The following MYO3B variants were observed in gnomAD, a reference collection of about 807,000 sequenced individuals.
MYO3B encodes myosin IIIB, also known as myosin-IIIb.
Under a neutral mutation model 174.6 loss-of-function variants are expected in MYO3B, and 156 were observed. The ratio of observed to expected loss-of-function variants is 0.89; its 90% CI spans 0.78 to 1.02. The LOEUF (loss-of-function observed/expected upper bound fraction) is 1.02. MYO3B is among the 50% of genes least tolerant of loss of function. MYO3B has a pLI of 0.00. For synonymous variants in MYO3B, 563 were observed against 569.1 expected, an observed-to-expected ratio of 0.99 and a Z score of 0.15; for missense variants, 1,632 against 1,639.4, an observed-to-expected ratio of 1.00 and a Z score of 0.08.
intron 7 of MYO3B, among the ~76,000 whole-genome samples, chr2:170,291,798 A>C (rs1486835014): frequency 1.3e-5 from 2 of 151,740 alleles, no homozygotes; most frequent in African/African-American, 2.4e-5. Context: ...GCCTGTTGCC[A>C]GACAAATTGG....
At chr2:170,244,732 G>A (rs1025658804) in intron 7 of MYO3B, among the ~76,000 whole-genome samples, 1 of 152,170 alleles carries the variant, frequency 6.6e-6, no homozygotes, top group African/African-American at 2.4e-5. Context: ...GTGATCACTA[G>A]GAATTAGCAC....
chr2:170,288,868 T>A (rs751683282), intron 7 of MYO3B, among the ~76,000 whole-genome samples: 1 of 152,124 alleles, frequency 6.6e-6, no homozygotes, highest in Non-Finnish European at 1.5e-5. Flanking sequence ...GCCTTTATCA[T>A]GTTGAGGTAT....
At chr2:170,423,014 T>C in intron 22 of MYO3B, among the ~76,000 whole-genome samples, 1 of 135,874 alleles carries the variant, frequency 7.4e-6, no homozygotes, top group Admixed American at 7.6e-5. Context: ...AGAGTTTCAC[T>C]CCTGTTGCCA....
chr2:170,400,420 T>TTTTTTTA, intron 17 of MYO3B, 106 bp downstream of exon 17: 2 of 1,212,892 alleles, frequency 1.6e-6, no homozygotes, highest in Non-Finnish European at 2.2e-6. Context: ...TTTTTTTTTT[T>TTTTTTTA]ATCGAGATGG....
intron 7 of MYO3B, among the ~76,000 whole-genome samples, chr2:170,248,963 C>T (rs1027223385): frequency 5.3e-5 from 8 of 152,214 alleles, no homozygotes; most frequent in Admixed American, 1.3e-4. Flanking sequence ...GTACTCATAG[C>T]CATTTTGAGC....
chr2:170,640,633 A>C (rs1483601444), intron 32 of MYO3B: 4 of 152,212 alleles, frequency 2.6e-5, no homozygotes, highest in Non-Finnish European at 5.9e-5. Flanking sequence ...CTCAATTTAA[A>C]TCCTCCAGAT....
chr2:170,285,251 TAAC>T, intron 7 of MYO3B, among the ~76,000 whole-genome samples: 1 of 152,322 alleles, frequency 6.6e-6, no homozygotes, highest in South Asian at 2.1e-4. Flanking sequence ...AATCAGATAT[TAAC>T]AACTCGCATT....
intron 7 of MYO3B, among the ~76,000 whole-genome samples, chr2:170,301,874 CTTTTTTTTTTTTTTT>C (rs10538086): frequency 5.4e-5 from 4 of 74,740 alleles, no homozygotes; most frequent in Non-Finnish European, 9.6e-5. Flanking sequence ...AAAGTGGAGG[CTTTTTTTTTTTTTTT>C]TTTTTTTTTT....
rs183024913 is a variant in MYO3B, at chr2:170,378,888, C to T, written c.972-3128C>T. 1.8e-3 allele frequency among the ~76,000 whole-genome samples: 272 copies of T among 152,316 alleles called. 3 individuals are homozygous for T. The South Asian group carries it at 0.021, about 12-fold the overall frequency. The stretch of plus-strand genomic sequence containing the variant: ...GAAGGAAAAAAAAGCCTGGAAAACT[C>T]ACCATTGGTTCAGTGGTATTTTGAG... On this transcript the variant is annotated intron_variant, in intron 9 of 34. Coordinates refer to ENST00000408978, the MANE Select transcript of MYO3B (RefSeq NM_138995.5).
At chr2:170,432,081 C>G (rs2094713739) in intron 22 of MYO3B, among the ~76,000 whole-genome samples, 1 of 152,072 alleles carries the variant, frequency 6.6e-6, no homozygotes, top group Non-Finnish European at 1.5e-5. Flanking sequence ...TAATAAACAA[C>G]TATATTACTG....
chr2:170,551,049 C>G (rs181094247), intron 32 of MYO3B, among the ~76,000 whole-genome samples: 180 of 152,134 alleles, frequency 1.2e-3, no homozygotes, highest in Non-Finnish European at 2.4e-3. Context: ...CAGGCCTGAG[C>G]CACCACACCT....
At chr2:170,308,825 T>C (rs1234277849) in intron 7 of MYO3B, among the ~76,000 whole-genome samples, 4 of 152,026 alleles carry the variant, frequency 2.6e-5, no homozygotes, top group African/African-American at 9.7e-5. Context: ...CATGGAAAAA[T>C]GCCTGTTCCT....
chr2:170,249,995 G>C (rs564790337), intron 7 of MYO3B, among the ~76,000 whole-genome samples: 1 of 152,286 alleles, frequency 6.6e-6, no homozygotes, highest in South Asian at 2.1e-4. Flanking sequence ...TCAGCCACTT[G>C]AGGTTTAGAA....
At chr2:170,515,172 G>T in intron 29 of MYO3B, 150 bp downstream of exon 29, 1 of 644,220 alleles carries the variant, frequency 1.6e-6, no homozygotes, top group Non-Finnish European at 2.6e-6. Context: ...TAAATTTAAG[G>T]CCAACCTTGC....
chr2:170,178,789 G>T (rs981037929), intron 1 of MYO3B, among the ~76,000 whole-genome samples: 2 of 152,184 alleles, frequency 1.3e-5, no homozygotes, highest in Admixed American at 1.3e-4. Flanking sequence ...ATTTCCTCAT[G>T]CTTTGGTGGG....
intron 25 of MYO3B, among the ~76,000 whole-genome samples, chr2:170,491,702 G>C (rs145822975): frequency 0.12 from 17,705 of 152,288 alleles, 1,261 homozygotes; most frequent in South Asian, 0.24. Context: ...TGGGATTACA[G>C]GCATGAGCCA....
intron 8 of MYO3B, among the ~76,000 whole-genome samples, chr2:170,355,494 C>T (rs541852601): frequency 6.6e-6 from 1 of 152,246 alleles, no homozygotes; most frequent in Non-Finnish European, 1.5e-5. Context: ...ATCTCCTAGC[C>T]CCACTGTGTA....
At position 170,501,846 on chromosome 2, in the gene MYO3B, T is replaced by C; in HGVS notation, c.3351T>C (p.Ser1117=). ...AAATAAGCAACAGAAGGAATGAGTCTGCTGCTCATAATCAAGCAGGTAATT... is the reference window on the plus strand; with the variant it reads ...AAATAAGCAACAGAAGGAATGAGTCCGCTGCTCATAATCAAGCAGGTAATT... ...FKKISNRRNE[S]AAHNQAGDTS... Residue 1117 remains serine, a synonymous_variant, in exon 28 of 35, where the codon TCT becomes TCC. Transcript: ENST00000408978. The C allele has an allele frequency of 6.2e-7, 1 of 1,611,112 alleles. No individual in the cohort carries two copies. Among genetic ancestry groups the C allele is most frequent in the Non-Finnish European group, 8.5e-7 (1 of 1,177,344 alleles).
At chr2:170,260,263 A>G (rs1004138958) in intron 7 of MYO3B, among the ~76,000 whole-genome samples, 20 of 152,212 alleles carry the variant, frequency 1.3e-4, no homozygotes, top group African/African-American at 4.6e-4. Context: ...ACACATGTGC[A>G]TGTATGTTAA....
Sources: allele counts gnomAD v4.1 joint callset (sites outside exome capture counted in the v4.1 genomes callset), GRCh38; gene constraint gnomAD v4.1.1; transcripts MANE v1.5; gene names NCBI Gene and HGNC (gene_info 2026-07-23, HGNC 2026-07-21).